Variants in ADAP1 observed in about 807,000 individuals in gnomAD.
ADAP1 encodes the protein arf-GAP with dual PH domain-containing protein 1.
ADAP1 carries 31 observed loss-of-function variants against 54.9 expected under a neutral mutation model. The observed-to-expected ratio is 0.56, with a 90% CI of 0.42 to 0.76. The LOEUF is 0.76. Ranked by LOEUF, ADAP1 falls within the 30% of genes least tolerant of loss-of-function variation. ADAP1 has a pLI of 0.00. For missense variants in ADAP1, 535 were observed against 512.4 expected, an observed-to-expected ratio of 1.04 and a Z score of -0.42; for synonymous variants, 313 against 202.6, an observed-to-expected ratio of 1.55 and a Z score of -4.63.
chr7:942,202 G>C (rs1846955452), intron 1 of ADAP1, among the ~76,000 whole-genome samples: 4 of 152,154 alleles, frequency 2.6e-5, no homozygotes, highest in Non-Finnish European at 1.5e-5. Flanking sequence ...AAGAAAACAG[G>C]AGAAAAGTCT....
At chr7:932,366 CCAA>C (rs34494554) in intron 2 of ADAP1, among the ~76,000 whole-genome samples, 22,657 of 152,146 alleles carry the variant, frequency 0.15, 1,819 homozygotes, top group South Asian at 0.22. Flanking sequence ...TAGGGTTTTT[CCAA>C]CAACAGTGAA....
intron 6 of ADAP1, among the ~76,000 whole-genome samples, chr7:901,585 C>T (rs942608810): frequency 9.2e-5 from 14 of 152,188 alleles, no homozygotes; most frequent in African/African-American, 2.9e-4. Flanking sequence ...AGGCTCCTCC[C>T]ATAGCAGTGG....
intron 2 of ADAP1, among the ~76,000 whole-genome samples, chr7:931,306 T>A (rs1231572501): frequency 6.6e-6 from 1 of 152,074 alleles, no homozygotes; most frequent in Non-Finnish European, 1.5e-5. Flanking sequence ...TCGAAATACA[T>A]TAAATAAGGT....
chr7:917,689 C>T (rs1436383741), intron 4 of ADAP1, among the ~76,000 whole-genome samples: 1 of 152,154 alleles, frequency 6.6e-6, no homozygotes, highest in Non-Finnish European at 1.5e-5. Context: ...GTCTCGAACT[C>T]GTGGTCTCAA....
chr7:923,063 G>A (rs1045120795), intron 3 of ADAP1: 1 of 152,130 alleles, frequency 6.6e-6, no homozygotes, highest in East Asian at 1.9e-4. Context: ...AGGGGAATTA[G>A]GACACAGACA....
intron 5 of ADAP1, among the ~76,000 whole-genome samples, chr7:904,764 G>A (rs1171862823): frequency 6.6e-6 from 1 of 152,344 alleles, no homozygotes; most frequent in African/African-American, 2.4e-5. Flanking sequence ...GGTCCTGGCT[G>A]GCTCCAGAGG....
chr7:933,249 C>T (rs111871614), intron 2 of ADAP1, among the ~76,000 whole-genome samples: 3,295 of 151,024 alleles, frequency 0.022, 72 homozygotes, highest in African/African-American at 0.044. Context: ...CCAGCCTGGG[C>T]GACGAAGCCA....
chr7:925,101 C>T (rs1279747668), intron 3 of ADAP1, among the ~76,000 whole-genome samples: 6 of 152,092 alleles, frequency 3.9e-5, no homozygotes, highest in African/African-American at 9.7e-5. Flanking sequence ...TGTCTCCAGG[C>T]TCACGGGAGG....
chr7:900,076 C>G (rs529844831), intron 8 of ADAP1, 26 bp downstream of exon 8: 5 of 1,612,636 alleles, frequency 3.1e-6, no homozygotes, highest in Non-Finnish European at 3.4e-6. Context: ...CCAGGCCACC[C>G]CAGGCCGCAC....
At chr7:919,934 G>C (rs751946909) in intron 4 of ADAP1, 34 bp downstream of exon 4, 1 of 1,563,458 alleles carries the variant, frequency 6.4e-7, no homozygotes, top group Non-Finnish European at 8.7e-7. Flanking sequence ...GGGAGAGGTA[G>C]CCGGGAGGCC....
At chr7:902,573 A>C (rs1223260622) in intron 6 of ADAP1, among the ~76,000 whole-genome samples, 1 of 151,806 alleles carries the variant, frequency 6.6e-6, no homozygotes, top group Admixed American at 6.6e-5. Context: ...ACAGTGTTGG[A>C]GACAAAGTTG....
intron 4 of ADAP1, chr7:905,602 A>AGAAAGG (rs1562912397): frequency 5.0e-5 from 1 of 20,026 alleles, no homozygotes; most frequent in Non-Finnish European, 7.4e-5. Context: ...AGGAGAAAGG[A>AGAAAGG]GAAAGGAGAA....
At chr7:912,275 GACA>G (rs1327566259) in intron 4 of ADAP1, among the ~76,000 whole-genome samples, 4 of 151,784 alleles carry the variant, frequency 2.6e-5, no homozygotes, top group Admixed American at 6.6e-5. Context: ...TGGCCCTCAG[GACA>G]ACATGAGGCA....
intron 1 of ADAP1, among the ~76,000 whole-genome samples, chr7:942,348 GAGAGGA>G (rs1387760759): frequency 2.1e-5 from 3 of 142,262 alleles, no homozygotes; most frequent in African/African-American, 7.8e-5. Flanking sequence ...GAGGAAGGGA[GAGAGGA>G]AGAGGAAGAG....
intron 1 of ADAP1, among the ~76,000 whole-genome samples, chr7:940,834 A>G (rs571917100): frequency 1.3e-5 from 2 of 152,308 alleles, no homozygotes; most frequent in Admixed American, 6.5e-5. Context: ...CCATCAATCA[A>G]TGTCATTCAC....
upstream of ADAP1, chr7:954,713 C>G: frequency 1.0e-6 from 1 of 981,654 alleles, no homozygotes; most frequent in Non-Finnish European, 1.2e-6. Flanking sequence ...ACGCTGCGCT[C>G]TGGCCGGCAA....
Position 900,135 on chromosome 7 carries a change from C to T in ADAP1, c.762G>A (p.Leu254=), listed in dbSNP as rs1488690265. The change falls in exon 8 of 11, where the codon CTG becomes CTA. Residue 254 remains leucine, a synonymous_variant. Transcript: ENST00000265846. ...DLVPKLSRNY[L]KEGYMEKTGP... ...CCGTCTTCTCCATGTAGCCTTCCTT[C>T]AGGTAGTTCCTGGAGAGCTTTGGCA... 1.2e-6 allele frequency: 2 copies of T among 1,613,274 alleles called. No individual in the cohort carries two copies. Among genetic ancestry groups the T allele is most frequent in the East Asian group, 2.2e-5 (1 of 44,864 alleles).
intron 1 of ADAP1, among the ~76,000 whole-genome samples, chr7:948,565 C>T (rs2128112589): frequency 6.6e-6 from 1 of 152,302 alleles, no homozygotes; most frequent in Non-Finnish European, 1.5e-5. Context: ...CTCTCATTCA[C>T]CTGCTAAGCT....
rs142187805 is a variant in ADAP1, at chr7:914,217, CA to C, written c.388+5750del. ...CCACTCCTCTGTGCAGAGCGGGAGC[CA>C]CCTGGCCCAGGCCTCACCTGGCCAA... On this transcript the variant is annotated intron_variant, in intron 4 of 10. Coordinates refer to ENST00000265846, the MANE Select transcript of ADAP1 (RefSeq NM_006869.4). 8.6e-3 allele frequency among the ~76,000 whole-genome samples: 1,305 copies of C among 152,348 alleles called. 23 individuals carry two copies. Among genetic ancestry groups the C allele is most frequent in the African/African-American group, 0.029 (1,215 of 41,576 alleles).
Sources: gnomAD v4.1 joint callset for allele counts (sites outside exome capture counted in the v4.1 genomes callset) on GRCh38, gnomAD v4.1.1 for gene constraint, MANE v1.5 for transcripts, NCBI Gene and HGNC (gene_info 2026-07-23, HGNC 2026-07-21) for gene names.